OR9G1: variants seen among roughly 807,000 people sequenced by gnomAD.
OR9G1 encodes olfactory receptor 9G1.
OR9G1 carries 21 observed loss-of-function variants against 14.5 expected under a neutral mutation model. The observed-to-expected ratio is 1.45, with a 90% CI of 1.03 to 2.09. OR9G1 has a LOEUF of 2.09. OR9G1 is among the 30% of genes most tolerant of loss of function. The probability of loss-of-function intolerance (pLI) is 0.00; values close to 1 mark genes in which losing one functional copy is unlikely to be tolerated. For missense variants in OR9G1, 476 were observed against 364.2 expected, an observed-to-expected ratio of 1.31 and a Z score of -2.50; for synonymous variants, 179 against 153.3, an observed-to-expected ratio of 1.17 and a Z score of -1.24.
At chr11:56,699,842 C>G (rs1032872766) in intron 1 of OR9G1, among the ~76,000 whole-genome samples, 1 of 152,300 alleles carries the variant, frequency 6.6e-6, no homozygotes, top group African/African-American at 2.4e-5. Context: ...ACACATTTTC[C>G]CCAAAACATT....
Position 56,701,184 on chromosome 11 carries a change from CTTTTGA to C in OR9G1, c.799_804del (p.Phe267_Asp268del), listed in dbSNP as rs1857624204. 1 of 1,614,190 alleles carries C rather than the reference CTTTTGA, an allele frequency of 6.2e-7. No individual in the cohort carries two copies. The highest frequency in any genetic ancestry group is 8.5e-7 in the Non-Finnish European group (1 of 1,180,060). On this transcript the variant is annotated inframe_deletion, in exon 2 of 2. Transcript: ENST00000642097. The stretch of plus-strand genomic sequence containing the variant: ...TACGCTCTCCCCAGATCTAGCTATT[CTTTTGA>C]TATGGACAAAATAGTTTCTACATTT...
chr11:56,699,254 A>G (rs1857564160), intron 1 of OR9G1, 64 bp downstream of exon 1: 2 of 152,452 alleles, frequency 1.3e-5, no homozygotes, highest in Admixed American at 6.5e-5. Flanking sequence ...ACTATGACAA[A>G]CGCTGCAGGT....
rs1857674390 is a variant in OR9G1, at chr11:56,703,266, A to T, written c.*1961A>T. 6.6e-6 allele frequency: 1 copy of T among 150,962 alleles called. No individual in the cohort carries two copies. Among genetic ancestry groups the T allele is most frequent in the Admixed American group, 6.7e-5 (1 of 15,024 alleles). The allele number at this position is 150,962 out of a possible 1,614,324, so 9.4% of individuals were successfully genotyped here. ...AAGATTCACACAGAGTAGAAAGAGT[A>T]AATCCACACTGGCAATCATGGACAT... is the stretch of plus-strand genomic sequence containing the variant. On this transcript the variant is annotated 3_prime_UTR_variant, in exon 2 of 2. Coordinates refer to ENST00000642097, the MANE Select transcript of OR9G1 (RefSeq NM_001005213.2).
rs1857632226 is a variant in OR9G1, at chr11:56,701,456, A to G, written c.*151A>G. 2 of 1,114,782 alleles carry G rather than the reference A, an allele frequency of 1.8e-6. No homozygotes were observed. The highest frequency in any genetic ancestry group is 3.4e-5 in the Admixed American group (1 of 29,318). 69.1% of individuals were successfully genotyped at this position (1,114,782 alleles called of 1,614,324 possible). A position where few individuals can be genotyped will look rare whatever the true frequency, so the allele number is the denominator to read the frequency against. ...CATGTACAATAAGAAAATTAGGAAA[A>G]TTTCGGACAAAAACATCTGAATATA... On this transcript the variant is annotated 3_prime_UTR_variant, in exon 2 of 2. Transcript: ENST00000642097.
Position 56,701,475 on chromosome 11 carries a change from G to C in OR9G1, c.*170G>C. 1 of 928,104 alleles carries C rather than the reference G, an allele frequency of 1.1e-6. No individual in the cohort carries two copies. Among genetic ancestry groups the C allele is most frequent in the Non-Finnish European group, 1.5e-6 (1 of 656,884 alleles). 57.5% of individuals were successfully genotyped at this position (928,104 alleles called of 1,614,324 possible). A position where few individuals can be genotyped will look rare whatever the true frequency, so the allele number is the denominator to read the frequency against. On this transcript the variant is annotated 3_prime_UTR_variant, in exon 2 of 2. Coordinates refer to ENST00000642097, the MANE Select transcript of OR9G1 (RefSeq NM_001005213.2). ...AGGAAAATTTCGGACAAAAACATCTGAATATATAAGAATTTGAATTGAATT... is the reference window on the plus strand; with the variant it reads ...AGGAAAATTTCGGACAAAAACATCTCAATATATAAGAATTTGAATTGAATT...
chr11:56,700,118 G>C (rs1224698678), intron 1 of OR9G1, among the ~76,000 whole-genome samples: 1 of 152,302 alleles, frequency 6.6e-6, no homozygotes, highest in Non-Finnish European at 1.5e-5. Flanking sequence ...AAGAAAAATA[G>C]CAATTATAAG....
intron 1 of OR9G1, among the ~76,000 whole-genome samples, chr11:56,700,165 G>A (rs1857586002): frequency 6.6e-6 from 1 of 152,308 alleles, no homozygotes; most frequent in Admixed American, 6.5e-5. Flanking sequence ...ATTCCTAAAG[G>A]AAAAACATAA....
chr11:56,700,873 G>A lies in OR9G1; in HGVS notation c.486G>A (p.Thr162=), dbSNP rs765252035. 1.2e-5 allele frequency: 20 copies of A among 1,614,130 alleles called. No individual in the cohort carries two copies. Among genetic ancestry groups the A allele is most frequent in the East Asian group, 8.9e-5 (4 of 44,902 alleles). ...FINSSIITKK[T]FSFNFCRENI... ...ACTCTTCAATCATCACCAAGAAAAC[G>A]TTTTCCTTTAACTTCTGCCGTGAAA... Residue 162 remains threonine (T), a synonymous_variant, in exon 2 of 2, where the codon ACG becomes ACA. Coordinates refer to ENST00000642097, the MANE Select transcript of OR9G1 (RefSeq NM_001005213.2).
Position 56,701,754 on chromosome 11 carries a change from C to G in OR9G1, c.*449C>G, listed in dbSNP as rs1237068484. ...TCTTAAACATTGTTCTACATGCTTT[C>G]CCCCCACAAGAAGAATTAGCACAAA... On this transcript the variant is annotated 3_prime_UTR_variant, in exon 2 of 2. Transcript: ENST00000642097. The G allele has an allele frequency of 4.6e-4, 1 of 2,164 alleles. No individual in the cohort carries two copies. Among genetic ancestry groups the G allele is most frequent in the Non-Finnish European group, 1.0e-3 (1 of 970 alleles). The allele number at this position is 2,164 out of a possible 1,614,324, so 0.1% of individuals were successfully genotyped here.
Position 56,703,614 on chromosome 11 carries a change from A to G in OR9G1, c.*2309A>G, listed in dbSNP as rs1156952581. The stretch of plus-strand genomic sequence containing the variant: ...AAAGTACATCATTCCAGAGGGAAGC[A>G]TCAATTGCAGAAAGTAAAACTGATG... On this transcript the variant is annotated 3_prime_UTR_variant, in exon 2 of 2. Coordinates refer to ENST00000642097, the MANE Select transcript of OR9G1 (RefSeq NM_001005213.2). 6.6e-6 allele frequency: 1 copy of G among 152,324 alleles called. No individual in the cohort carries two copies. The highest frequency in any genetic ancestry group is 1.5e-5 in the Non-Finnish European group (1 of 68,070). 9.4% of individuals were successfully genotyped at this position (152,324 alleles called of 1,614,324 possible).
intron 1 of OR9G1, among the ~76,000 whole-genome samples, chr11:56,699,539 AG>A (rs1383773082): frequency 6.6e-6 from 1 of 152,312 alleles, no homozygotes; most frequent in Non-Finnish European, 1.5e-5. Context: ...AAAATGACTT[AG>A]GTTAATGAGA....
rs1857647760 is a variant in OR9G1 at position 56,701,986 on chromosome 11, C to A, written c.*681C>A. 6.6e-6 allele frequency: 1 copy of A among 152,306 alleles called. No homozygotes were observed. The allele number at this position is 152,306 out of a possible 1,614,324, so 9.4% of individuals were successfully genotyped here. On this transcript the variant is annotated 3_prime_UTR_variant, in exon 2 of 2. Transcript: ENST00000642097. The stretch of plus-strand genomic sequence containing the variant: ...AAGGACTTTTACATTAAAATTGTGA[C>A]CTTCTGAGCATCAAAGGGCAATTAT...
rs913325079 is a variant in OR9G1 at position 56,700,818 on chromosome 11, T to C, written c.431T>C (p.Val144Ala). ...TCCATAAAGCTGTGTGCATTGCTGG[T>C]AGCAGTCTCATATTGTGGTGGCTTT... The part of the protein sequence containing the change: ...AMSIKLCALL[V>A]AVSYCGGFIN... Residue 144 changes from valine (V) to alanine (A), a missense_variant, in exon 2 of 2, where the codon GTA (valine) becomes GCA (alanine). By Grantham distance (64) the Val-to-Ala change is moderately conservative. Around this residue, in one of 3 missense-constraint regions of OR9G1, gnomAD observed 352 missense variants for 211.6 expected, o/e 1.66. Coordinates refer to ENST00000642097, the MANE Select transcript of OR9G1 (RefSeq NM_001005213.2). The C allele has an allele frequency of 1.9e-6, 3 of 1,614,320 alleles. No homozygotes were observed. Among genetic ancestry groups the C allele is most frequent in the Non-Finnish European group, 2.5e-6 (3 of 1,180,062 alleles).
Position 56,701,321 on chromosome 11 carries a change from A to C in OR9G1, c.*16A>C. 1 of 1,579,622 alleles carries C rather than the reference A, an allele frequency of 6.3e-7. No individual in the cohort carries two copies. Among genetic ancestry groups the C allele is most frequent in the Middle Eastern group, 1.7e-4 (1 of 5,854 alleles). On this transcript the variant is annotated 3_prime_UTR_variant, in exon 2 of 2. Transcript: ENST00000642097. Reference sequence around the variant, plus strand: ...TCTCCCATAAATCAAGATTATCTCCACCAGAGGAGAAACAAAGACGACCTT... The same window carrying C: ...TCTCCCATAAATCAAGATTATCTCCCCCAGAGGAGAAACAAAGACGACCTT...
rs1423981305 is a variant in OR9G1, at chr11:56,701,249, ATC to A, written c.864_865del (p.Tyr289GlnfsTer5). 6.2e-7 allele frequency: 1 copy of A among 1,614,088 alleles called. No individual in the cohort carries two copies. Among genetic ancestry groups the A allele is most frequent in the Non-Finnish European group, 8.5e-7 (1 of 1,180,034 alleles). On this transcript the variant is annotated frameshift_variant, in exon 2 of 2. Coordinates refer to ENST00000642097, the MANE Select transcript of OR9G1 (RefSeq NM_001005213.2). LOFTEE classifies it high-confidence loss of function. ...GGTATTCCCCATGTTGAATCTCATG[ATC>A]TACAGCCTAAGGAATAAGGATGTGA... ...TVVFPMLNLM[I>X]YSLRNKDVKE...
rs774801935 is a variant in OR9G1, at chr11:56,701,254, C to T, written c.867C>T (p.Tyr289=). The T allele has an allele frequency of 1.9e-6, 3 of 1,613,938 alleles. No individual in the cohort carries two copies. Among genetic ancestry groups the T allele is most frequent in the African/African-American group, 1.3e-5 (1 of 74,964 alleles). ...TCCCCATGTTGAATCTCATGATCTA[C>T]AGCCTAAGGAATAAGGATGTGAAAG... ...VVFPMLNLMI[Y]SLRNKDVKEA... Residue 289 remains tyrosine, a synonymous_variant, in exon 2 of 2, where the codon TAC becomes TAT. Coordinates refer to ENST00000642097, the MANE Select transcript of OR9G1 (RefSeq NM_001005213.2).
Position 56,699,110 on chromosome 11 carries a change from C to T in OR9G1, c.-99C>T, listed in dbSNP as rs1857562182. 1 of 153,036 alleles carries T rather than the reference C, an allele frequency of 6.5e-6. No individual in the cohort carries two copies. Among genetic ancestry groups the T allele is most frequent in the Non-Finnish European group, 1.5e-5 (1 of 68,546 alleles). The allele number at this position is 153,036 out of a possible 1,614,324, so 9.5% of individuals were successfully genotyped here. ...AAGACCAGTGGTTCAAGCGCTGATT[C>T]TGGGGACACTCCAAAGTTCAAAAGT... On this transcript the variant is annotated 5_prime_UTR_variant, in exon 1 of 2. Coordinates refer to ENST00000642097, the MANE Select transcript of OR9G1 (RefSeq NM_001005213.2).
At position 56,701,430 on chromosome 11, in the gene OR9G1, A is replaced by ACC; in HGVS notation, c.*126_*127insCC. 7.5e-7 allele frequency: 1 copy of ACC among 1,334,808 alleles called. No individual in the cohort carries two copies. Among genetic ancestry groups the ACC allele is most frequent in the Non-Finnish European group, 9.9e-7 (1 of 1,010,876 alleles). 82.7% of individuals were successfully genotyped at this position (1,334,808 alleles called of 1,614,324 possible). ...CCTTCTTGACACGTGAGAGTTACAG[A>ACC]CATGTACAATAAGAAAATTAGGAAA... On this transcript the variant is annotated 3_prime_UTR_variant, in exon 2 of 2. Coordinates refer to ENST00000642097, the MANE Select transcript of OR9G1 (RefSeq NM_001005213.2).
At position 56,702,615 on chromosome 11, in the gene OR9G1, A is replaced by T. The variant is rs1857660879; in HGVS notation, c.*1310A>T. The T allele has an allele frequency of 1.5e-5, 1 of 64,682 alleles. No individual in the cohort carries two copies. Among genetic ancestry groups the T allele is most frequent in the Non-Finnish European group, 3.3e-5 (1 of 30,058 alleles). 4.0% of individuals were successfully genotyped at this position (64,682 alleles called of 1,614,324 possible). A position where few individuals can be genotyped will look rare whatever the true frequency, so the allele number is the denominator to read the frequency against. ...TAATATAATGCATAATGTATAATAT[A>T]CGAAGTGATATTTCATTATGATAAG... On this transcript the variant is annotated 3_prime_UTR_variant, in exon 2 of 2. Coordinates refer to ENST00000642097, the MANE Select transcript of OR9G1 (RefSeq NM_001005213.2).
Sources: allele counts gnomAD v4.1 joint callset (sites outside exome capture counted in the v4.1 genomes callset), GRCh38; gene constraint gnomAD v4.1.1; regional missense constraint gnomAD v4.1.1; transcripts MANE v1.5; gene names NCBI Gene and HGNC (gene_info 2026-07-23, HGNC 2026-07-21).